Variants in BIN1 observed in about 807,000 individuals in gnomAD.
BIN1 encodes the protein myc box-dependent-interacting protein 1.
BIN1 carries 53 observed loss-of-function variants against 82.0 expected under a neutral mutation model. The observed-to-expected ratio is 0.65, with a 90% CI of 0.52 to 0.81. The LOEUF is 0.81. Among genes scored for constraint, BIN1 ranks in the 40% least tolerant of loss-of-function variants. The pLI is 0.00. For missense variants in BIN1, 642 were observed against 784.4 expected (o/e 0.82, Z 2.17); for synonymous variants, 302 against 328.0 (o/e 0.92, Z 0.86).
intron 9 of BIN1, 80 bp from the exon 10 acceptor site, chr2:127,062,277 C>T: frequency 7.6e-7 from 1 of 1,309,700 alleles, no homozygotes; most frequent in East Asian, 2.5e-5. Flanking sequence ...CTCTGCTTCT[C>T]CCCACCACCC....
At chr2:127,063,670 G>A (rs1338843624) in intron 8 of BIN1, 24 bp from the exon 9 acceptor site, 1 of 1,610,728 alleles carries the variant, frequency 6.2e-7, no homozygotes, top group East Asian at 2.2e-5. Flanking sequence ...GAAGGATGGG[G>A]GCCAGGTGAA....
chr2:127,069,731 A>AACACAC lies in BIN1; in HGVS notation c.411+258_411+263dup, dbSNP rs3832046. ...ATCATATAGCCAGCCACTCCGCAGC[A>AACACAC]ACACACACACACACACACACACACA... is the stretch of plus-strand genomic sequence containing the variant. On this transcript the variant is annotated intron_variant, in intron 5 of 18. Coordinates refer to ENST00000316724, the MANE Select transcript of BIN1 (RefSeq NM_139343.3). 0.19 allele frequency among the ~76,000 whole-genome samples: 27,548 copies of AACACAC among 147,496 alleles called. 2,546 individuals are homozygous for AACACAC. The highest frequency in any genetic ancestry group is 0.2 in the African/African-American group (7,971 of 39,654).
At chr2:127,081,731 C>A (rs954018871) in intron 1 of BIN1, 1 of 1,208,590 alleles carries the variant, frequency 8.3e-7, no homozygotes, top group African/African-American at 1.6e-5. Flanking sequence ...CAACACCCCA[C>A]CCCCACACAC....
chr2:127,083,753 A>T (rs1677758184), intron 1 of BIN1, among the ~76,000 whole-genome samples: 1 of 151,766 alleles, frequency 6.6e-6, no homozygotes, highest in African/African-American at 2.4e-5. Context: ...AATGTTATCC[A>T]TTTTTTTTCT....
chr2:127,083,402 G>T (rs192163502), intron 1 of BIN1, among the ~76,000 whole-genome samples: 1 of 152,100 alleles, frequency 6.6e-6, no homozygotes, highest in Non-Finnish European at 1.5e-5. Context: ...TATATAAACC[G>T]TTCCTGCATT....
chr2:127,077,047 C>T (rs1194529789), intron 1 of BIN1, among the ~76,000 whole-genome samples: 4 of 152,174 alleles, frequency 2.6e-5, no homozygotes, highest in East Asian at 1.9e-4. Context: ...CTGGGTGCTC[C>T]GCCCCCACCC....
chr2:127,078,286 A>G (rs968116718), intron 1 of BIN1, among the ~76,000 whole-genome samples: 3 of 152,226 alleles, frequency 2.0e-5, no homozygotes, highest in Non-Finnish European at 4.4e-5. Flanking sequence ...CTTGGCCGGT[A>G]CAGCAGAGAG....
intron 1 of BIN1, among the ~76,000 whole-genome samples, chr2:127,098,773 G>T (rs990966171): frequency 1.3e-5 from 2 of 152,250 alleles, no homozygotes; most frequent in Non-Finnish European, 2.9e-5. Context: ...GCCCAGTACT[G>T]CTGTCACCTG....
chr2:127,088,180 T>C (rs1204883576), intron 1 of BIN1, among the ~76,000 whole-genome samples: 1 of 152,146 alleles, frequency 6.6e-6, no homozygotes, highest in African/African-American at 2.4e-5. Context: ...GATCTTCTCA[T>C]AACTCAGTTC....
chr2:127,061,773 T>C (rs1684525514), intron 10 of BIN1, among the ~76,000 whole-genome samples: 1 of 152,006 alleles, frequency 6.6e-6, no homozygotes, highest in African/African-American at 2.4e-5. Flanking sequence ...CCCGGAGTCT[T>C]TCAGTCCTGT....
chr2:127,070,505 G>T lies in BIN1; in HGVS notation c.315+48C>A. 3 of 1,598,754 alleles carry T rather than the reference G, an allele frequency of 1.9e-6. No homozygotes were observed. In the South Asian group the frequency reaches 3.3e-5, roughly 18 times the overall value. On this transcript the variant is annotated intron_variant, in intron 4 of 18. Coordinates refer to ENST00000316724, the MANE Select transcript of BIN1 (RefSeq NM_139343.3). ...CACGGCAGAGTGGGACAGGAGCTGAGACCAGAGGGCCCTCTGAGAAGGGCA... is the reference window on the plus strand; with the variant it reads ...CACGGCAGAGTGGGACAGGAGCTGATACCAGAGGGCCCTCTGAGAAGGGCA...
At chr2:127,083,078 C>CTTTTTTTTTTTTTTTT (rs112344101) in intron 1 of BIN1, among the ~76,000 whole-genome samples, 1 of 142,874 alleles carries the variant, frequency 7.0e-6, no homozygotes, top group Non-Finnish European at 1.5e-5. Context: ...TTGCTTTTTT[C>CTTTTTTTTTTTTTTTT]TTTTTTTTTT....
intron 1 of BIN1, among the ~76,000 whole-genome samples, chr2:127,098,573 T>C (rs1679900321): frequency 6.6e-6 from 1 of 151,550 alleles, no homozygotes; most frequent in Non-Finnish European, 1.5e-5. Flanking sequence ...CCCCATGCTG[T>C]TGCTGTGACC....
intron 1 of BIN1, among the ~76,000 whole-genome samples, chr2:127,079,988 A>G (rs1687087700): frequency 6.6e-6 from 1 of 152,228 alleles, no homozygotes; most frequent in Admixed American, 6.5e-5. Context: ...TCAGTGCTCC[A>G]GTGCCCCCGC....
intron 1 of BIN1, among the ~76,000 whole-genome samples, chr2:127,099,258 A>C (rs1679982933): frequency 6.6e-6 from 1 of 152,154 alleles, no homozygotes; most frequent in Admixed American, 6.5e-5. Flanking sequence ...TGGTGACCAC[A>C]GGGACCAGAG....
chr2:127,084,690 C>T (rs1034048089), intron 1 of BIN1, among the ~76,000 whole-genome samples: 4 of 152,234 alleles, frequency 2.6e-5, no homozygotes, highest in Non-Finnish European at 4.4e-5. Flanking sequence ...AAGAAGCGAC[C>T]GAGCTCAGAT....
In BIN1 at chr2:127,062,124, G is replaced by T. The variant is rs1315909666; in HGVS notation, c.848C>A (p.Ala283Asp). ...CTCTCCCCGCACGCACCTGGGCTGG[G>T]CCTTGACCGTGAAGGTGTTGCTCCC... ...QHGSNTFTVKAQPSDNAPAKG... is the reference protein window; with the variant it reads ...QHGSNTFTVKDQPSDNAPAKG... Residue 283 changes from alanine to aspartate, a missense_variant, in exon 10 of 19, where the codon GCC (alanine) becomes GAC (aspartate). By Grantham distance (126) the Ala-to-Asp change is moderately radical (BLOSUM62 -2). Coordinates refer to ENST00000316724, the MANE Select transcript of BIN1 (RefSeq NM_139343.3). 1 of 1,608,592 alleles carries T rather than the reference G, an allele frequency of 6.2e-7. No homozygotes were observed.
At chr2:127,101,359 C>G (rs1680328449) in intron 1 of BIN1, among the ~76,000 whole-genome samples, 1 of 152,226 alleles carries the variant, frequency 6.6e-6, no homozygotes. Flanking sequence ...CTGACTCTCT[C>G]CACCCAATCC....
Position 127,076,609 on chromosome 2 carries a change from G to A in BIN1, c.165+17C>T, listed in dbSNP as rs760288488. 6 of 1,613,880 alleles carry A rather than the reference G, an allele frequency of 3.7e-6. No individual in the cohort carries two copies. The highest frequency in any genetic ancestry group is 1.6e-4 in the Middle Eastern group (1 of 6,084). On this transcript the variant is annotated intron_variant, in intron 2 of 18. Coordinates refer to ENST00000316724, the MANE Select transcript of BIN1 (RefSeq NM_139343.3). ...ATTTTCACAAACTCCCTAAGGCCAA[G>A]GGCCACCCACACTCACCAGCTGCTT...
Sources: gnomAD v4.1 joint callset for allele counts (sites outside exome capture counted in the v4.1 genomes callset) on GRCh38, gnomAD v4.1.1 for gene constraint, MANE v1.5 for transcripts, NCBI Gene and HGNC (gene_info 2026-07-23, HGNC 2026-07-21) for gene names.